The following MYO18A variants were observed in gnomAD, a reference collection of about 807,000 sequenced individuals.
MYO18A encodes unconventional myosin-XVIIIa.
Under a neutral mutation model 235.8 loss-of-function variants are expected in MYO18A, and 78 were observed. That is an observed-to-expected ratio of 0.33 (90% CI 0.28 to 0.40). The LOEUF is 0.40. Ranked by LOEUF, MYO18A falls within the 10% of genes least tolerant of loss-of-function variation. MYO18A has a pLI of 1.00. For missense variants in MYO18A, 2,215 were observed against 2,699.3 expected, an observed-to-expected ratio of 0.82 and a Z score of 3.98; for synonymous variants, 977 against 1,077.8, an observed-to-expected ratio of 0.91 and a Z score of 1.83.
chr17:29,130,943 G>C (rs1329530340), intron 2 of MYO18A, among the ~76,000 whole-genome samples: 2 of 152,164 alleles, frequency 1.3e-5, no homozygotes, highest in African/African-American at 4.8e-5. Flanking sequence ...CCATGCCTTT[G>C]CCTTGTGCCA....
Position 29,118,499 on chromosome 17 carries a change from G to A in MYO18A, c.1830-59C>T, listed in dbSNP as rs762809692. ...TGGTCCCCATGCCAAGGCCATTTCCGCCCAGGGTGGAGACAGACAGACTCA... is the reference window on the plus strand; with the variant it reads ...TGGTCCCCATGCCAAGGCCATTTCCACCCAGGGTGGAGACAGACAGACTCA... On this transcript the variant is annotated intron_variant, in intron 8 of 41. Coordinates refer to ENST00000527372, the MANE Select transcript of MYO18A (RefSeq NM_078471.4). This position sits in a 1 kb window ranked among gnomAD's most constrained non-coding sequence, Gnocchi z 4.2. 2.1e-5 allele frequency: 31 copies of A among 1,479,528 alleles called. No individual in the cohort carries two copies. The highest frequency in any genetic ancestry group is 9.4e-5 in the East Asian group (4 of 42,350). The allele number at this position is 1,479,528 out of a possible 1,614,324, so 91.7% of individuals were successfully genotyped here.
At chr17:29,153,330 G>A (rs1156938631) in intron 2 of MYO18A, among the ~76,000 whole-genome samples, 2 of 151,678 alleles carry the variant, frequency 1.3e-5, no homozygotes, top group Admixed American at 1.3e-4. Flanking sequence ...ATGTTGTCTG[G>A]GCTTGTCTCA....
Position 29,074,620 on chromosome 17 carries a change from T to C in MYO18A, c.*150A>G, listed in dbSNP as rs1422853381. 2.8e-5 allele frequency: 23 copies of C among 816,294 alleles called. No homozygotes were observed. Among genetic ancestry groups the C allele is most frequent in the Non-Finnish European group, 2.0e-6 (1 of 503,136 alleles). 50.6% of individuals were successfully genotyped at this position (816,294 alleles called of 1,614,324 possible). On this transcript the variant is annotated 3_prime_UTR_variant, in exon 42 of 42. Coordinates refer to ENST00000527372, the MANE Select transcript of MYO18A (RefSeq NM_078471.4). This position sits in a 1 kb window ranked among gnomAD's most constrained non-coding sequence, Gnocchi z 4.4. ...GTGGAGACATCAGACACCCATAGCCTGGAAAGTGCCCCTGACAGAAGAAGG... is the reference window on the plus strand; with the variant it reads ...GTGGAGACATCAGACACCCATAGCCCGGAAAGTGCCCCTGACAGAAGAAGG...
At chr17:29,091,506 C>A in intron 34 of MYO18A, 1 of 409,722 alleles carries the variant, frequency 2.4e-6, no homozygotes, top group South Asian at 1.8e-5. Flanking sequence ...CCCCATCCAT[C>A]TTGTTACTGG....
chr17:29,173,241 C>T (rs1036217185), intron 1 of MYO18A, among the ~76,000 whole-genome samples: 4 of 151,636 alleles, frequency 2.6e-5, no homozygotes, highest in Middle Eastern at 3.4e-3. Flanking sequence ...TACAGGCATG[C>T]GCCACCATGA....
intron 2 of MYO18A, among the ~76,000 whole-genome samples, chr17:29,165,130 C>G (rs374624175): frequency 6.6e-6 from 1 of 152,214 alleles, no homozygotes; most frequent in African/African-American, 2.4e-5. Context: ...CCTGATATTT[C>G]CTTGCTCACT....
chr17:29,172,758 G>GC (rs2068434268), intron 1 of MYO18A, among the ~76,000 whole-genome samples: 1 of 152,170 alleles, frequency 6.6e-6, no homozygotes, highest in African/African-American at 2.4e-5. Context: ...GGAAAGTAAA[G>GC]CCCAAAGAAG....
At chr17:29,132,639 A>G (rs570100005) in intron 2 of MYO18A, among the ~76,000 whole-genome samples, 1 of 152,160 alleles carries the variant, frequency 6.6e-6, no homozygotes, top group Non-Finnish European at 1.5e-5. Context: ...TTTTGAGCTC[A>G]AATTAGCAGT....
intron 2 of MYO18A, among the ~76,000 whole-genome samples, chr17:29,163,442 G>C (rs1040692537): frequency 6.6e-6 from 1 of 152,220 alleles, no homozygotes; most frequent in Non-Finnish European, 1.5e-5. Flanking sequence ...ATGGCTCTAG[G>C]AGATGCATGG....
At chr17:29,128,224 AG>A in intron 2 of MYO18A, 4 of 1,163,816 alleles carry the variant, frequency 3.4e-6, no homozygotes, top group Non-Finnish European at 4.3e-6. Context: ...GCTTGGGACT[AG>A]AAGCTGCCTT....
rs1409449132 is a variant in MYO18A at position 29,111,020 on chromosome 17, T to A, written c.2901-398A>T. Reference sequence around the variant, plus strand: ...TCATTATCTGTCTCTCCCATTAGAATGTAAATTCCACAAGGGCAGGGAGTT... The same window carrying A: ...TCATTATCTGTCTCTCCCATTAGAAAGTAAATTCCACAAGGGCAGGGAGTT... On this transcript the variant is annotated intron_variant, in intron 17 of 41. Transcript: ENST00000527372. The surrounding 1 kb of genome is among the most constrained non-coding windows in gnomAD (Gnocchi z 5.1). Among the ~76,000 whole-genome samples, 1 of 152,248 alleles carries A rather than the reference T, an allele frequency of 6.6e-6. No homozygotes were observed. The highest frequency in any genetic ancestry group is 1.5e-5 in the Non-Finnish European group (1 of 68,042).
intron 1 of MYO18A, among the ~76,000 whole-genome samples, chr17:29,179,459 AC>A (rs976027361): frequency 6.6e-6 from 1 of 151,584 alleles, no homozygotes; most frequent in Admixed American, 6.6e-5. Context: ...CAAGGAGCGC[AC>A]CCCCACTAAC....
At chr17:29,162,363 T>C (rs772150971) in intron 2 of MYO18A, among the ~76,000 whole-genome samples, 3 of 152,140 alleles carry the variant, frequency 2.0e-5, no homozygotes, top group Non-Finnish European at 4.4e-5. Context: ...TCCTAGTGCT[T>C]CTCCCAGCTT....
At chr17:29,102,979 G>T (rs182636780) in intron 21 of MYO18A, among the ~76,000 whole-genome samples, 1 of 152,316 alleles carries the variant, frequency 6.6e-6, no homozygotes, top group Non-Finnish European at 1.5e-5. Context: ...CCCAGGCTCG[G>T]AAGAGAGGGG....
chr17:29,129,080 A>G (rs2067397489), intron 2 of MYO18A: 1 of 1,289,094 alleles, frequency 7.8e-7, no homozygotes, highest in Non-Finnish European at 1.0e-6. Flanking sequence ...TCCTTCCATC[A>G]CCTGTTTTCC....
At chr17:29,122,361 G>T in intron 2 of MYO18A, 108 bp from the exon 3 acceptor site, 1 of 952,746 alleles carries the variant, frequency 1.0e-6, no homozygotes. Context: ...AAGCCACTGG[G>T]CAAGGAATGA....
chr17:29,130,026 G>A (rs2067424927), intron 2 of MYO18A, among the ~76,000 whole-genome samples: 1 of 152,184 alleles, frequency 6.6e-6, no homozygotes, highest in African/African-American at 2.4e-5. Flanking sequence ...GCCAGGTGTG[G>A]TGGCTCACGC....
rs574349011 is a variant in MYO18A at position 29,114,409 on chromosome 17, A to G, written c.2512-312T>C. 4.6e-5 allele frequency: 16 copies of G among 348,770 alleles called. No individual in the cohort carries two copies. The South Asian group carries it at 6.2e-4, about 14-fold the overall frequency. The allele number at this position is 348,770 out of a possible 1,614,324, so 21.6% of individuals were successfully genotyped here. ...AATCATCCTTGAAACACTTGAAGACAACTGCCATTTTCCTTCTGAATCCTC... is the reference window on the plus strand; with the variant it reads ...AATCATCCTTGAAACACTTGAAGACGACTGCCATTTTCCTTCTGAATCCTC... On this transcript the variant is annotated intron_variant, in intron 14 of 41. Coordinates refer to ENST00000527372, the MANE Select transcript of MYO18A (RefSeq NM_078471.4).
intron 28 of MYO18A, 45 bp downstream of exon 28, chr17:29,096,716 C>T: frequency 1.3e-6 from 2 of 1,527,668 alleles, no homozygotes; most frequent in Non-Finnish European, 1.8e-6. Context: ...CTGTCTGTGG[C>T]TGCTCCAGAA....
Sources: gnomAD v4.1 joint callset for allele counts (sites outside exome capture counted in the v4.1 genomes callset) on GRCh38, gnomAD v4.1.1 for gene constraint, Gnocchi (gnomAD v3.1) non-coding constraint, MANE v1.5 for transcripts, NCBI Gene and HGNC (gene_info 2026-07-23, HGNC 2026-07-21) for gene names.